The following OGDH variants were observed in gnomAD, a reference collection of about 807,000 sequenced individuals.
The protein encoded by OGDH is oxoglutarate dehydrogenase.
OGDH carries 38 observed loss-of-function variants against 116.6 expected under a neutral mutation model. The observed-to-expected ratio is 0.33, with a 90% confidence interval of 0.25 to 0.43. The LOEUF (loss-of-function observed/expected upper bound fraction) is 0.43, where lower values mean the gene tolerates loss of function less well. Ranked by LOEUF, OGDH falls within the 20% of genes least tolerant of loss-of-function variation. The probability of loss-of-function intolerance (pLI) is 1.00; values close to 1 mark genes in which losing one functional copy is unlikely to be tolerated. For missense variants in OGDH, 825 were observed against 1,357.2 expected (o/e 0.61, Z 6.16); for synonymous variants, 488 against 533.3 (o/e 0.92, Z 1.17).
chr7:44,675,984 G>A lies in OGDH; in HGVS notation c.1041G>A (p.Val347=), dbSNP rs1305034939. 1 of 1,614,034 alleles carries A rather than the reference G, an allele frequency of 6.2e-7. No homozygotes were observed. The highest frequency in any genetic ancestry group is 1.1e-5 in the South Asian group (1 of 91,082). ...TACCCCATCAGGGCTCCGGAGATGT[G>A]AAGTACCACCTGGGCATGTATCACC... ...LEAADEGSGD[V]KYHLGMYHRR... Residue 347 remains valine, a synonymous_variant, in exon 9 of 23, where the codon GTG becomes GTA. Coordinates refer to ENST00000222673, the MANE Select transcript of OGDH (RefSeq NM_002541.4).
chr7:44,673,669 C>G (rs1787567203), intron 5 of OGDH, 118 bp from the exon 6 acceptor site: 1 of 978,622 alleles, frequency 1.0e-6, no homozygotes, highest in Non-Finnish European at 1.6e-6. Flanking sequence ...GATTGGAGTA[C>G]ATTTCAGAAC....
chr7:44,657,836 T>C (rs1786761934), intron 4 of OGDH, among the ~76,000 whole-genome samples: 1 of 152,238 alleles, frequency 6.6e-6, no homozygotes, highest in African/African-American at 2.4e-5. Flanking sequence ...ATTCTTTTAT[T>C]GTTCATTTTA....
At chr7:44,632,237 C>T (rs1413797980) in intron 2 of OGDH, among the ~76,000 whole-genome samples, 4 of 152,062 alleles carry the variant, frequency 2.6e-5, no homozygotes, top group Admixed American at 6.6e-5. Context: ...AGCAGGCATA[C>T]GAGGTCACTG....
intron 10 of OGDH, among the ~76,000 whole-genome samples, chr7:44,686,368 T>G (rs999077630): frequency 1.3e-5 from 2 of 152,216 alleles, no homozygotes; most frequent in Non-Finnish European, 1.5e-5. Context: ...GAATGGATGC[T>G]TATTTTTGTC....
chr7:44,660,648 G>C (rs1461790204), intron 4 of OGDH, among the ~76,000 whole-genome samples: 1 of 152,180 alleles, frequency 6.6e-6, no homozygotes, highest in East Asian at 1.9e-4. Context: ...GTCTGCTAGA[G>C]CCAGGCATGG....
intron 5 of OGDH, among the ~76,000 whole-genome samples, chr7:44,669,676 G>A (rs1787347382): frequency 6.6e-6 from 1 of 152,034 alleles, no homozygotes; most frequent in South Asian, 2.1e-4. Flanking sequence ...GCACATTGAA[G>A]GGCTGCCTCC....
At chr7:44,638,114 G>A (rs1785756055) in intron 2 of OGDH, among the ~76,000 whole-genome samples, 1 of 152,200 alleles carries the variant, frequency 6.6e-6, no homozygotes, top group African/African-American at 2.4e-5. Context: ...GGTGGTCAGA[G>A]AATTAACTGT....
chr7:44,633,199 G>A (rs935574952), intron 2 of OGDH, among the ~76,000 whole-genome samples: 4 of 141,046 alleles, frequency 2.8e-5, no homozygotes, highest in Non-Finnish European at 6.0e-5. Context: ...CTTTTAGTGA[G>A]CCAAGATTGA....
At chr7:44,668,556 T>C (rs1787287073) in intron 5 of OGDH, among the ~76,000 whole-genome samples, 2 of 152,168 alleles carry the variant, frequency 1.3e-5, no homozygotes, top group African/African-American at 4.8e-5. Context: ...CTTCCTCACT[T>C]GTTGAGGAGA....
chr7:44,614,834 C>CTTTT (rs201747358), intron 1 of OGDH, among the ~76,000 whole-genome samples: 22 of 111,144 alleles, frequency 2.0e-4, no homozygotes, highest in Non-Finnish European at 2.1e-4. Context: ...TCTTTTGGTT[C>CTTTT]TTTTTTTTTT....
At chr7:44,654,081 C>G (rs889039945) in intron 4 of OGDH, among the ~76,000 whole-genome samples, 2 of 152,174 alleles carry the variant, frequency 1.3e-5, no homozygotes, top group African/African-American at 4.8e-5. Flanking sequence ...TCTCAAACTC[C>G]TGAGCTCAAG....
chr7:44,624,263 A>G, intron 1 of OGDH, 54 bp from the exon 2 acceptor site: 1 of 1,256,756 alleles, frequency 8.0e-7, no homozygotes, highest in Non-Finnish European at 1.1e-6. Context: ...TGTCTCCTAA[A>G]TACTCATTTT....
At chr7:44,610,856 C>A (rs1784535925) in intron 1 of OGDH, among the ~76,000 whole-genome samples, 1 of 152,028 alleles carries the variant, frequency 6.6e-6, no homozygotes, top group Non-Finnish European at 1.5e-5. Flanking sequence ...ATCGACACCC[C>A]CTTGGCCTCC....
intron 2 of OGDH, among the ~76,000 whole-genome samples, chr7:44,644,197 A>G (rs1193660468): frequency 2.0e-5 from 3 of 152,212 alleles, no homozygotes; most frequent in African/African-American, 7.2e-5. Context: ...GCGAGACTTC[A>G]TCTCAAAAAA....
chr7:44,700,286 C>A lies in OGDH; in HGVS notation c.2559+17C>A. The A allele has an allele frequency of 6.2e-7, 1 of 1,613,746 alleles. No homozygotes were observed. Among genetic ancestry groups the A allele is most frequent in the South Asian group, 1.1e-5 (1 of 91,040 alleles). ...CGGAAGCCGGTCAGTGGCAGGGCCTCCCTTGCTCAAACGAGGCCTGGCCCT... is the reference window on the plus strand; with the variant it reads ...CGGAAGCCGGTCAGTGGCAGGGCCTACCTTGCTCAAACGAGGCCTGGCCCT... On this transcript the variant is annotated intron_variant, in intron 19 of 22. Transcript: ENST00000222673.
chr7:44,607,097 G>A (rs1485839239), intron 1 of OGDH, among the ~76,000 whole-genome samples: 2 of 152,176 alleles, frequency 1.3e-5, no homozygotes, highest in African/African-American at 4.8e-5. Context: ...TCTCCTTCCC[G>A]CCTGTGAGGA....
At chr7:44,640,338 G>T (rs1785874046) in intron 2 of OGDH, among the ~76,000 whole-genome samples, 1 of 152,244 alleles carries the variant, frequency 6.6e-6, no homozygotes, top group East Asian at 1.9e-4. Flanking sequence ...CATCTCTCCA[G>T]TGGGAATATG....
Position 44,697,124 on chromosome 7 carries a change from T to TCTG in OGDH, c.2051+61_2051+63dup, listed in dbSNP as rs1347855810. 8 of 1,573,006 alleles carry TCTG rather than the reference T, an allele frequency of 5.1e-6. No individual in the cohort carries two copies. Among genetic ancestry groups the TCTG allele is most frequent in the Non-Finnish European group, 6.9e-6 (8 of 1,154,018 alleles). ...GAGTAGAAGATGGAAAGGGAGGGGT[T>TCTG]CTGGTGTTTCTTTTCCGGAAGACGG... On this transcript the variant is annotated intron_variant, in intron 15 of 22. Coordinates refer to ENST00000222673, the MANE Select transcript of OGDH (RefSeq NM_002541.4). The surrounding 1 kb of genome is among the most constrained non-coding windows in gnomAD (Gnocchi z 6.0).
At chr7:44,648,453 G>C (rs1786289374) in intron 4 of OGDH, among the ~76,000 whole-genome samples, 1 of 152,190 alleles carries the variant, frequency 6.6e-6, no homozygotes, top group Non-Finnish European at 1.5e-5. Flanking sequence ...TTGCTTTGCA[G>C]AGTTAGTCTG....
Sources: gnomAD v4.1 joint callset for allele counts (sites outside exome capture counted in the v4.1 genomes callset) on GRCh38, gnomAD v4.1.1 for gene constraint, Gnocchi (gnomAD v3.1) non-coding constraint, MANE v1.5 for transcripts, NCBI Gene and HGNC (gene_info 2026-07-23, HGNC 2026-07-21) for gene names.